ZNF527: variants seen among roughly 807,000 people sequenced by gnomAD.
The protein encoded by ZNF527 is zinc finger protein 527.
A neutral mutation model predicts 13.5 loss-of-function variants in ZNF527; 5 were observed. The observed-to-expected ratio is 0.37, with a 90% CI of 0.19 to 0.78. The LOEUF is 0.78. Among genes scored for constraint, ZNF527 ranks in the 30% least tolerant of loss-of-function variants. The pLI is 0.48. For missense variants in ZNF527, 628 were observed against 726.4 expected (o/e 0.86, Z 1.56); for synonymous variants, 209 against 243.1 (o/e 0.86, Z 1.30).
At chr19:37,376,135 A>G (rs1165877906) in intron 2 of ZNF527, among the ~76,000 whole-genome samples, 1 of 151,996 alleles carries the variant, frequency 6.6e-6, no homozygotes, top group Admixed American at 6.6e-5. Flanking sequence ...GTTCAAGACC[A>G]GTTATGTATG....
intron 2 of ZNF527, among the ~76,000 whole-genome samples, chr19:37,377,401 A>C (rs2040617286): frequency 6.6e-6 from 1 of 152,110 alleles, no homozygotes; most frequent in Admixed American, 6.5e-5. Flanking sequence ...GATCGGGATG[A>C]GTTGATGGTG....
At chr19:37,386,567 A>T (rs2040701507) in intron 4 of ZNF527, among the ~76,000 whole-genome samples, 1 of 152,178 alleles carries the variant, frequency 6.6e-6, no homozygotes, top group Admixed American at 6.5e-5. Context: ...CTGACTTTTT[A>T]AAATGTTATT....
chr19:37,390,101 T>G lies in ZNF527; in HGVS notation c.*222T>G, dbSNP rs2040740312. Reference sequence around the variant, plus strand: ...TGGAGTGCAGTGGTGTAATCTTGGCTCACTGCAGCCTCTGCCTCCTGGGTT... The same window carrying G: ...TGGAGTGCAGTGGTGTAATCTTGGCGCACTGCAGCCTCTGCCTCCTGGGTT... On this transcript the variant is annotated 3_prime_UTR_variant, in exon 5 of 5. Coordinates refer to ENST00000436120, the MANE Select transcript of ZNF527 (RefSeq NM_032453.2). 1 of 414,694 alleles carries G rather than the reference T, an allele frequency of 2.4e-6. No homozygotes were observed. Among genetic ancestry groups the G allele is most frequent in the Non-Finnish European group, 4.1e-6 (1 of 243,334 alleles). The allele number at this position is 414,694 out of a possible 1,614,324, so 25.7% of individuals were successfully genotyped here.
chr19:37,387,484 T>C (rs1011929894), intron 4 of ZNF527, among the ~76,000 whole-genome samples: 1 of 152,230 alleles, frequency 6.6e-6, no homozygotes, highest in Admixed American at 6.5e-5. Context: ...TGTGTCAGGC[T>C]TTCCCCCCTC....
At chr19:37,382,113 G>C (rs1247134536) in intron 4 of ZNF527, among the ~76,000 whole-genome samples, 1 of 152,032 alleles carries the variant, frequency 6.6e-6, no homozygotes, top group Non-Finnish European at 1.5e-5. Context: ...GGTATTCCAG[G>C]TTCTCTTATT....
At position 37,389,086 on chromosome 19, in the gene ZNF527, C is replaced by T; in HGVS notation, c.1037C>T (p.Ala346Val). 6.2e-7 allele frequency: 1 copy of T among 1,614,020 alleles called. No homozygotes were observed. The highest frequency in any genetic ancestry group is 8.5e-7 in the Non-Finnish European group (1 of 1,180,012). Residue 346 changes from alanine (A) to valine (V), a missense_variant, in exon 5 of 5, where the codon GCT becomes GTT. Around this residue, in one of 3 missense-constraint regions of ZNF527, gnomAD observed 592 missense variants for 678.0 expected, o/e 0.87. Transcript: ENST00000436120. ...GCTTTCAGACAGAGTGCTCACCTTG[C>T]TCAACATCAGAGGATCCACACTGGA... ...NKAFRQSAHLAQHQRIHTGEK... is the reference protein window; with the variant it reads ...NKAFRQSAHLVQHQRIHTGEK...
chr19:37,383,536 C>T (rs529306788), intron 4 of ZNF527, among the ~76,000 whole-genome samples: 1 of 146,802 alleles, frequency 6.8e-6, no homozygotes, highest in East Asian at 2.0e-4. Flanking sequence ...CCACACCCAG[C>T]TGATTTTTTT....
chr19:37,384,077 T>G lies in ZNF527; in HGVS notation c.256+3705T>G, dbSNP rs191983892. Among the ~76,000 whole-genome samples, 152 of 152,068 alleles carry G rather than the reference T, an allele frequency of 1.0e-3. 3 individuals are homozygous for G. The East Asian group carries it at 0.024, about 24-fold the overall frequency. ...GCTCATGCCTGTAATCCCAGCAGTC[T>G]GGGAGGCTGAGGTGGGTGGATCACG... On this transcript the variant is annotated intron_variant, in intron 4 of 4. Transcript: ENST00000436120.
At chr19:37,376,732 A>G (rs903032221) in intron 2 of ZNF527, among the ~76,000 whole-genome samples, 2 of 149,288 alleles carry the variant, frequency 1.3e-5, no homozygotes, top group African/African-American at 4.9e-5. Context: ...ATGGAAAACG[A>G]GGAAGGTGAG....
Position 37,389,600 on chromosome 19 carries a change from G to C in ZNF527, c.1551G>C (p.Lys517Asn). 4 of 1,614,066 alleles carry C rather than the reference G, an allele frequency of 2.5e-6. No homozygotes were observed. The highest frequency in any genetic ancestry group is 3.4e-6 in the Non-Finnish European group (4 of 1,180,018). ...FSDALVLIHH[K>N]RSHAGEKPYE... ...ATGCTTTAGTTCTAATTCACCATAA[G>C]AGAAGTCATGCAGGAGAGAAACCCT... The change falls in exon 5 of 5, where the codon AAG becomes AAC. Residue 517 changes from lysine to asparagine, a missense_variant. Lys to Asn is a moderately conservative substitution (Grantham distance 94, BLOSUM62 0). This residue lies in a region of ZNF527 where 592 missense variants were observed against 678.0 expected (regional missense o/e 0.87). Transcript: ENST00000436120.
At chr19:37,374,583 G>A (rs2040584313) in intron 2 of ZNF527, among the ~76,000 whole-genome samples, 1 of 152,198 alleles carries the variant, frequency 6.6e-6, no homozygotes, top group East Asian at 1.9e-4. Context: ...TTCAGTGAAA[G>A]TAGCAAGTAA....
chr19:37,379,250 A>G lies in ZNF527; in HGVS notation c.160+4A>G. ...TACAGGAACTTGGTATGGCTTGGTA[A>G]GGATGTTTCTCCCCCATAATTTAAA... On this transcript the variant is annotated splice_donor_region_variant and intron_variant, in intron 3 of 4. Coordinates refer to ENST00000436120, the MANE Select transcript of ZNF527 (RefSeq NM_032453.2). The G allele has an allele frequency of 6.9e-6, 11 of 1,584,882 alleles. No individual in the cohort carries two copies. The highest frequency in any genetic ancestry group is 9.4e-6 in the Non-Finnish European group (11 of 1,169,072).
At position 37,389,882 on chromosome 19, in the gene ZNF527, A is replaced by G. The variant is rs748162386; in HGVS notation, c.*3A>G. 3 of 1,570,584 alleles carry G rather than the reference A, an allele frequency of 1.9e-6. No individual in the cohort carries two copies. The South Asian group carries it at 3.6e-5, about 19-fold the overall frequency. ...TTCATAATAGAGAAACGCTCTGATT[A>G]TAACAAGTATAGGAAAGAAAACATG... On this transcript the variant is annotated 3_prime_UTR_variant, in exon 5 of 5. Transcript: ENST00000436120.
intron 1 of ZNF527, among the ~76,000 whole-genome samples, chr19:37,371,838 ACT>A (rs2040559399): frequency 1.3e-5 from 2 of 151,582 alleles, no homozygotes; most frequent in South Asian, 4.2e-4. Flanking sequence ...TGTTTGTGTG[ACT>A]CTATACATTT....
intron 4 of ZNF527, chr19:37,384,977 A>G (rs1210488972): frequency 7.1e-6 from 5 of 701,400 alleles, no homozygotes; most frequent in Non-Finnish European, 1.3e-5. Flanking sequence ...ACACCACTGC[A>G]CCTGGTTAAT....
intron 4 of ZNF527, 152 bp downstream of exon 4, chr19:37,380,524 C>A: frequency 1.9e-6 from 1 of 533,642 alleles, no homozygotes; most frequent in Non-Finnish European, 3.2e-6. Flanking sequence ...GGGGTTTTTT[C>A]TTTTTCTTTC....
chr19:37,381,841 A>G (rs1300085557), intron 4 of ZNF527, among the ~76,000 whole-genome samples: 1 of 152,038 alleles, frequency 6.6e-6, no homozygotes, highest in African/African-American at 2.4e-5. Context: ...TCCTCCATTT[A>G]CTTATATATT....
chr19:37,374,041 A>G (rs1298541419), intron 1 of ZNF527, 117 bp from the exon 2 acceptor site: 2 of 696,820 alleles, frequency 2.9e-6, no homozygotes, highest in Non-Finnish European at 5.0e-6. Flanking sequence ...CAGATCTTGG[A>G]AAAGGTGAGG....
In ZNF527 at chr19:37,375,302, C is replaced by CTTTGT. The variant is rs368774863; in HGVS notation, c.33+1074_33+1075insGTTTT. 2.1e-3 allele frequency among the ~76,000 whole-genome samples: 224 copies of CTTTGT among 104,586 alleles called. 7 individuals carry two copies. Among genetic ancestry groups the CTTTGT allele is most frequent in the African/African-American group, 8.9e-3 (208 of 23,308 alleles). The allele number at this position is 104,586 out of a possible 152,430, so 68.6% of individuals were successfully genotyped here. ...TCTTTCTTTCTTTCTTTCTTTCTTT[C>CTTTGT]TTTCTTTCTTTTCTTTCTTTCTTTC... On this transcript the variant is annotated intron_variant, in intron 2 of 4. Transcript: ENST00000436120.
Sources: allele counts gnomAD v4.1 joint callset (sites outside exome capture counted in the v4.1 genomes callset), GRCh38; gene constraint gnomAD v4.1.1; regional missense constraint gnomAD v4.1.1; transcripts MANE v1.5; gene names NCBI Gene and HGNC (gene_info 2026-07-23, HGNC 2026-07-21).